Variants in PCDHGA3 observed in about 807,000 individuals in gnomAD.
PCDHGA3 encodes the protein protocadherin gamma subfamily A, 3, also known as protocadherin gamma-A3.
PCDHGA3 carries 40 observed loss-of-function variants against 58.5 expected under a neutral mutation model. The observed-to-expected ratio is 0.68, with a 90% CI of 0.53 to 0.89. The LOEUF (loss-of-function observed/expected upper bound fraction) is 0.89, where lower values mean the gene tolerates loss of function less well. Among genes scored for constraint, PCDHGA3 ranks in the 40% least tolerant of loss-of-function variants. The pLI is 0.00. For missense variants in PCDHGA3, 1,223 were observed against 1,195.9 expected (o/e 1.02, Z -0.33); for synonymous variants, 530 against 525.7 (o/e 1.01, Z -0.11).
intron 1 of PCDHGA3, chr5:141,352,277 G>A: frequency 1.2e-6 from 2 of 1,614,062 alleles, no homozygotes; most frequent in Non-Finnish European, 1.7e-6. Context: ...AGACCTCAGC[G>A]ACCGCCCTGA....
intron 1 of PCDHGA3, among the ~76,000 whole-genome samples, chr5:141,448,917 C>T (rs913804081): frequency 2.6e-5 from 4 of 152,130 alleles, no homozygotes; most frequent in African/African-American, 9.7e-5. Context: ...TGCACTCCAG[C>T]CTGGGCGACA....
At chr5:141,375,993 C>G in intron 1 of PCDHGA3, 1 of 1,613,468 alleles carries the variant, frequency 6.2e-7, no homozygotes, top group Non-Finnish European at 8.5e-7. Flanking sequence ...GACAGAGACG[C>G]GCTCAAGCAG....
chr5:141,395,797 A>G (rs56946131), intron 1 of PCDHGA3: 16,957 of 151,702 alleles, frequency 0.11, 1,119 homozygotes, highest in African/African-American at 0.18. Flanking sequence ...ACTTCTTACC[A>G]TCCTTCAAAA....
At chr5:141,388,655 G>A (rs375260597) in intron 1 of PCDHGA3, 1 of 1,613,808 alleles carries the variant, frequency 6.2e-7, no homozygotes, top group Non-Finnish European at 8.5e-7. Flanking sequence ...ACGTGTACCC[G>A]GGGACCACGG....
intron 1 of PCDHGA3, chr5:141,391,145 G>A (rs1212141265): frequency 6.6e-6 from 1 of 152,000 alleles, no homozygotes; most frequent in African/African-American, 2.4e-5. Flanking sequence ...CTACCTCTAG[G>A]AAAGAAATAT....
rs2097401329 is a variant in PCDHGA3 at position 141,431,623 on chromosome 5, G to A, written c.2425-63184G>A. 1 of 1,614,192 alleles carries A rather than the reference G, an allele frequency of 6.2e-7. No homozygotes were observed. The highest frequency in any genetic ancestry group is 1.7e-5 in the Admixed American group (1 of 60,028). On this transcript the variant is annotated intron_variant, in intron 1 of 3. Coordinates refer to ENST00000253812, the MANE Select transcript of PCDHGA3 (RefSeq NM_018916.4). This position sits in a 1 kb window ranked among gnomAD's most constrained non-coding sequence, Gnocchi z 4.8. ...CCTTCCGGTATGTGGACGACAAGGC[G>A]GCCCAAGTTTTCAAACTAGATTGTA...
intron 1 of PCDHGA3, among the ~76,000 whole-genome samples, chr5:141,353,275 A>G (rs1759233618): frequency 6.6e-6 from 1 of 152,266 alleles, no homozygotes; most frequent in South Asian, 2.1e-4. Flanking sequence ...CTATATTTTC[A>G]AGTCATTTTA....
intron 1 of PCDHGA3, chr5:141,413,189 G>T: frequency 1.2e-6 from 2 of 1,606,972 alleles, no homozygotes; most frequent in Middle Eastern, 1.7e-4. Flanking sequence ...GCCGCTCAAA[G>T]GAATCGCTCA....
intron 1 of PCDHGA3, among the ~76,000 whole-genome samples, chr5:141,379,887 CTCTTTTTTTTTTT>C (rs1775930082): frequency 1.2e-5 from 1 of 84,268 alleles, no homozygotes; most frequent in African/African-American, 5.0e-5. Context: ...CTGTGAAAGC[CTCTTTTTTTTTTT>C]TTTTTTTTTT....
intron 1 of PCDHGA3, among the ~76,000 whole-genome samples, chr5:141,369,573 C>T (rs12188189): frequency 0.047 from 7,089 of 152,168 alleles, 244 homozygotes; most frequent in Admixed American, 0.083. Flanking sequence ...GAAAAGAGAC[C>T]CTCTTGCTTT....
At chr5:141,375,738 T>C (rs1771822925) in intron 1 of PCDHGA3, 2 of 1,614,130 alleles carry the variant, frequency 1.2e-6, no homozygotes, top group African/African-American at 2.7e-5. Context: ...AGCCTGTTTG[T>C]GCTGGACCAG....
At chr5:141,488,855 C>T (rs1441666819) in intron 1 of PCDHGA3, among the ~76,000 whole-genome samples, 2 of 152,190 alleles carry the variant, frequency 1.3e-5, no homozygotes, top group Non-Finnish European at 1.5e-5. Context: ...ACCTGCAGCA[C>T]GAAGTGAGTG....
intron 1 of PCDHGA3, chr5:141,393,238 T>A: frequency 1.2e-6 from 2 of 1,613,734 alleles, no homozygotes; most frequent in Non-Finnish European, 8.5e-7. Context: ...GAAGTAAAAA[T>A]TAACGAAATC....
At chr5:141,393,021 G>A (rs758868753) in intron 1 of PCDHGA3, 1 of 1,613,850 alleles carries the variant, frequency 6.2e-7, no homozygotes, top group Non-Finnish European at 8.5e-7. Context: ...CGTCTCCAGA[G>A]GTAGGACGCA....
chr5:141,421,537 T>C (rs11167744), intron 1 of PCDHGA3: 139,246 of 1,613,908 alleles, frequency 0.086, 6,702 homozygotes, highest in East Asian at 0.14. Context: ...GTCCTCCTGT[T>C]TTTTAAATAT....
At chr5:141,447,535 G>C (rs1366016262) in intron 1 of PCDHGA3, among the ~76,000 whole-genome samples, 1 of 152,162 alleles carries the variant, frequency 6.6e-6, no homozygotes, top group African/African-American at 2.4e-5. Flanking sequence ...AAATTGTTGG[G>C]TTTTAATGTT....
chr5:141,376,212 T>C lies in PCDHGA3; in HGVS notation c.2424+29755T>C, dbSNP rs200049429. ...TGCGTCTTCCTGGCCTTCGTCATCGTGCTGCTGGCGCTCAGACTGCAGCGC... is the reference window on the plus strand; with the variant it reads ...TGCGTCTTCCTGGCCTTCGTCATCGCGCTGCTGGCGCTCAGACTGCAGCGC... On this transcript the variant is annotated intron_variant, in intron 1 of 3. Transcript: ENST00000253812. The C allele has an allele frequency of 1.9e-5, 31 of 1,614,098 alleles. No homozygotes were observed. Among genetic ancestry groups the C allele is most frequent in the Non-Finnish European group, 1.7e-6 (2 of 1,180,044 alleles).
intron 1 of PCDHGA3, chr5:141,409,124 G>T: frequency 6.2e-7 from 1 of 1,613,940 alleles, no homozygotes. Context: ...CCAGTCATTT[G>T]ATTTTGAAGA....
chr5:141,455,133 C>G (rs1172825339), intron 1 of PCDHGA3, among the ~76,000 whole-genome samples: 2 of 151,392 alleles, frequency 1.3e-5, no homozygotes, highest in African/African-American at 4.9e-5. Context: ...TTAAATTACA[C>G]TGTGTTAAAT....
Sources: gnomAD v4.1 joint callset for allele counts (sites outside exome capture counted in the v4.1 genomes callset) on GRCh38, gnomAD v4.1.1 for gene constraint, Gnocchi (gnomAD v3.1) non-coding constraint, MANE v1.5 for transcripts, NCBI Gene and HGNC (gene_info 2026-07-23, HGNC 2026-07-21) for gene names.